Variants in GRIP1 observed in about 807,000 individuals in gnomAD.
GRIP1 encodes glutamate receptor-interacting protein 1.
A neutral mutation model predicts 129.9 loss-of-function variants in GRIP1; 45 were observed. That is an observed-to-expected ratio of 0.35 (90% CI 0.27 to 0.44). GRIP1 has a LOEUF of 0.44. Ranked by LOEUF, GRIP1 falls within the 20% of genes least tolerant of loss-of-function variation. The probability of loss-of-function intolerance (pLI) is 1.00; values close to 1 mark genes in which losing one functional copy is unlikely to be tolerated. For missense variants in GRIP1, 1,196 were observed against 1,396.8 expected (o/e 0.86, Z 2.29); for synonymous variants, 530 against 520.8 (o/e 1.02, Z -0.24).
intron 19 of GRIP1, 105 bp downstream of exon 19, chr12:66,392,203 C>T: frequency 1.3e-6 from 1 of 741,864 alleles, no homozygotes; most frequent in Non-Finnish European, 2.4e-6. Context: ...CCAAAGCAGA[C>T]ACAAGTTAAA....
At chr12:66,741,637 C>A (rs1034600683) in intron 1 of GRIP1, among the ~76,000 whole-genome samples, 2 of 152,104 alleles carry the variant, frequency 1.3e-5, no homozygotes, top group South Asian at 4.1e-4. Context: ...AAAAATTTCC[C>A]ATTTCAACAT....
intron 1 of GRIP1, among the ~76,000 whole-genome samples, chr12:66,992,964 A>T (rs2042416063): frequency 6.6e-6 from 1 of 152,122 alleles, no homozygotes. Context: ...AATACAAAAA[A>T]TTAGCAGGGT....
At chr12:66,600,284 T>G (rs1366966434) in intron 1 of GRIP1, among the ~76,000 whole-genome samples, 1 of 152,190 alleles carries the variant, frequency 6.6e-6, no homozygotes, top group African/African-American at 2.4e-5. Context: ...ATAAGATCTA[T>G]GTTAATAATT....
intron 13 of GRIP1, among the ~76,000 whole-genome samples, chr12:66,433,968 C>A (rs2058225779): frequency 1.3e-5 from 2 of 152,118 alleles, no homozygotes; most frequent in African/African-American, 4.8e-5. Context: ...TGAGTCTGTG[C>A]AAAGTGGAGG....
rs546809801 is a variant in GRIP1 at position 67,005,354 on chromosome 12, G to A, written c.58+63696C>T. ...ATGTTGTTGATATGTCAAAAACTAC[G>A]CCACTAGCAAATTTCTGAAATATAA... On this transcript the variant is annotated intron_variant, in intron 1 of 1. Coordinates refer to the GRIP1 transcript ENST00000643019. 1.3e-4 allele frequency among the ~76,000 whole-genome samples: 20 copies of A among 152,204 alleles called. 1 individual carries two copies. In the South Asian group the frequency reaches 4.2e-3, roughly 32 times the overall value.
At chr12:66,857,178 A>T (rs1347838101) in intron 1 of GRIP1, among the ~76,000 whole-genome samples, 1 of 149,908 alleles carries the variant, frequency 6.7e-6, no homozygotes, top group Non-Finnish European at 1.5e-5. Flanking sequence ...AACAATGAGA[A>T]CACATGGACA....
intron 23 of GRIP1, among the ~76,000 whole-genome samples, chr12:66,368,523 T>C (rs888694004): frequency 5.9e-5 from 9 of 152,142 alleles, no homozygotes; most frequent in Non-Finnish European, 2.9e-5. Flanking sequence ...ATTCCTCCAC[T>C]AGGTCCATTT....
At chr12:66,477,991 C>T (rs1458542990) in intron 7 of GRIP1, among the ~76,000 whole-genome samples, 7 of 152,152 alleles carry the variant, frequency 4.6e-5, no homozygotes, top group Non-Finnish European at 8.8e-5. Context: ...GTCTAAAACA[C>T]CAAAAGCAAT....
At chr12:67,053,365 T>G (rs1171736716) in intron 1 of GRIP1, among the ~76,000 whole-genome samples, 6 of 152,250 alleles carry the variant, frequency 3.9e-5, no homozygotes, top group Non-Finnish European at 1.5e-5. Flanking sequence ...TTATCCCATT[T>G]ACTCATTCAC....
At chr12:66,435,030 T>C (rs972390644) in intron 13 of GRIP1, among the ~76,000 whole-genome samples, 1 of 152,174 alleles carries the variant, frequency 6.6e-6, no homozygotes, top group Non-Finnish European at 1.5e-5. Flanking sequence ...GATGAACACA[T>C]TGATTCGGTA....
chr12:66,867,754 T>C (rs758172091), intron 1 of GRIP1, among the ~76,000 whole-genome samples: 1 of 152,180 alleles, frequency 6.6e-6, no homozygotes, highest in Non-Finnish European at 1.5e-5. Context: ...ACCAGAAAAC[T>C]ACATGTCAGT....
intron 1 of GRIP1, among the ~76,000 whole-genome samples, chr12:66,817,870 T>A (rs1278712066): frequency 1.3e-5 from 2 of 152,242 alleles, no homozygotes; most frequent in Non-Finnish European, 2.9e-5. Flanking sequence ...CTGTTCTATA[T>A]GTAGCTTAAT....
chr12:66,394,382 A>G (rs1162599415), intron 16 of GRIP1, 30 bp from the exon 17 acceptor site: 1 of 1,608,298 alleles, frequency 6.2e-7, no homozygotes, highest in Non-Finnish European at 8.5e-7. Flanking sequence ...ATCATAATTG[A>G]TTTCTTTGGA....
chr12:66,682,236 C>T (rs1480010), upstream of GRIP1, among the ~76,000 whole-genome samples: 31,229 of 152,080 alleles, frequency 0.21, 4,080 homozygotes, highest in Admixed American at 0.31. Context: ...ATCACCTTCT[C>T]CCCTCTGAAG....
chr12:66,529,947 T>C, intron 4 of GRIP1, 33 bp from the exon 5 acceptor site: 1 of 1,226,874 alleles, frequency 8.2e-7, no homozygotes, highest in South Asian at 1.2e-5. Flanking sequence ...GAAATATAAC[T>C]TGTAAGTCAT....
chr12:66,899,795 G>A (rs1433787356), intron 1 of GRIP1, among the ~76,000 whole-genome samples: 2 of 152,222 alleles, frequency 1.3e-5, no homozygotes, highest in Non-Finnish European at 2.9e-5. Flanking sequence ...GAGTGCTGCT[G>A]TGAAATGTCT....
chr12:66,838,188 A>AG (rs386376822), intron 1 of GRIP1, among the ~76,000 whole-genome samples: 2 of 17,274 alleles, frequency 1.2e-4, no homozygotes, highest in Non-Finnish European at 1.5e-3. Context: ...GACTCCACCT[A>AG]AAAAAAAAAA....
chr12:66,478,555 G>A (rs1435984792), intron 7 of GRIP1, among the ~76,000 whole-genome samples: 1 of 152,136 alleles, frequency 6.6e-6, no homozygotes, highest in Non-Finnish European at 1.5e-5. Flanking sequence ...TATAAATCAT[G>A]CTGCTGTAAA....
At chr12:66,714,414 CA>C (rs1224954824) in intron 1 of GRIP1, among the ~76,000 whole-genome samples, 1 of 151,982 alleles carries the variant, frequency 6.6e-6, no homozygotes, top group East Asian at 1.9e-4. Context: ...GCATAATGAT[CA>C]ATGTCGTTGC....
Sources: gnomAD v4.1 joint callset for allele counts (sites outside exome capture counted in the v4.1 genomes callset) on GRCh38, gnomAD v4.1.1 for gene constraint, MANE v1.5 for transcripts, NCBI Gene and HGNC (gene_info 2026-07-23, HGNC 2026-07-21) for gene names.